Variants in NSUN3 observed in about 807,000 individuals in gnomAD.
The protein encoded by NSUN3 is tRNA (cytosine(34)-C(5))-methyltransferase, mitochondrial.
A neutral mutation model predicts 36.8 loss-of-function variants in NSUN3; 24 were observed. The ratio of observed to expected loss-of-function variants is 0.65; its 90% CI spans 0.47 to 0.92. The LOEUF (loss-of-function observed/expected upper bound fraction) is 0.92. Ranked by LOEUF, NSUN3 falls within the 40% of genes least tolerant of loss-of-function variation. The pLI, the probability that NSUN3 is intolerant of heterozygous loss-of-function variation, is 0.00. For synonymous variants in NSUN3, 146 were observed against 145.2 expected, an observed-to-expected ratio of 1.01 and a Z score of -0.04; for missense variants, 381 against 392.8, an observed-to-expected ratio of 0.97 and a Z score of 0.25.
At chr3:94,107,290 T>G (rs2077393747) in intron 5 of NSUN3, among the ~76,000 whole-genome samples, 1 of 152,032 alleles carries the variant, frequency 6.6e-6, no homozygotes, top group Admixed American at 6.6e-5. Context: ...GTTGTTGTTG[T>G]TTTGTTTTTG....
At chr3:94,088,670 C>CTTTT (rs747748539) in intron 3 of NSUN3, among the ~76,000 whole-genome samples, 1 of 132,456 alleles carries the variant, frequency 7.5e-6, no homozygotes, top group Non-Finnish European at 1.6e-5. Flanking sequence ...GGGACAGATC[C>CTTTT]TTTTTTTTTT....
At chr3:94,075,732 C>G (rs1005451795) in intron 2 of NSUN3, among the ~76,000 whole-genome samples, 3 of 142,796 alleles carry the variant, frequency 2.1e-5, no homozygotes, top group African/African-American at 8.1e-5. Context: ...TGAATCAAGC[C>G]CCCCCCCCCA....
chr3:94,065,721 G>A (rs546949066), intron 2 of NSUN3, among the ~76,000 whole-genome samples: 15 of 152,032 alleles, frequency 9.9e-5, no homozygotes, highest in South Asian at 2.1e-4. Context: ...TATACTCGTG[G>A]GTTTTATTTC....
chr3:94,094,969 C>G, intron 4 of NSUN3, 64 bp from the exon 5 acceptor site: 6 of 1,562,810 alleles, frequency 3.8e-6, no homozygotes, highest in African/African-American at 1.4e-5. Context: ...ACTTCTCTAT[C>G]TACTTCGTGC....
intron 1 of NSUN3, chr3:94,063,780 G>C (rs969090360): frequency 6.6e-6 from 1 of 151,720 alleles, no homozygotes; most frequent in Non-Finnish European, 1.5e-5. Context: ...ACTACGCCTG[G>C]CTAATTTTTT....
intron 2 of NSUN3, chr3:94,077,204 A>G: frequency 4.4e-6 from 3 of 675,922 alleles, no homozygotes; most frequent in Non-Finnish European, 8.2e-6. Flanking sequence ...GGAATACTGG[A>G]GTCGGGTGTT....
intron 3 of NSUN3, among the ~76,000 whole-genome samples, chr3:94,090,343 A>G (rs1437355978): frequency 6.6e-6 from 1 of 152,216 alleles, no homozygotes; most frequent in African/African-American, 2.4e-5. Flanking sequence ...ACCTAAGACC[A>G]TTTCAAATAA....
rs878925525 is a variant in NSUN3 at position 94,063,240 on chromosome 3, T to C, written c.12+102T>C. The C allele has an allele frequency of 1.7e-5, 19 of 1,145,922 alleles. No individual in the cohort carries two copies. In the South Asian group the frequency reaches 2.3e-4, roughly 14 times the overall value. 71.0% of individuals were successfully genotyped at this position (1,145,922 alleles called of 1,614,324 possible). ...TGCTGGGATGGGGGAACATCACCTT[T>C]GTTCGTCCCCTCGCGAGATCAGCGT... On this transcript the variant is annotated intron_variant, in intron 1 of 5. Transcript: ENST00000314622.
intron 2 of NSUN3, among the ~76,000 whole-genome samples, chr3:94,065,372 A>G (rs562475909): frequency 6.6e-6 from 1 of 152,340 alleles, no homozygotes; most frequent in South Asian, 2.1e-4. Flanking sequence ...AGTTACTTTG[A>G]CAAAAAGAAC....
intron 2 of NSUN3, among the ~76,000 whole-genome samples, chr3:94,075,303 A>G (rs1276650407): frequency 6.6e-6 from 1 of 152,186 alleles, no homozygotes; most frequent in East Asian, 1.9e-4. Flanking sequence ...GAAAGAAACA[A>G]CATGAAAACA....
intron 2 of NSUN3, chr3:94,075,765 T>A (rs1576082547): frequency 1.2e-5 from 7 of 607,758 alleles, no homozygotes; most frequent in African/African-American, 9.7e-5. Context: ...AAACACCCAC[T>A]GTTTGGGCTA....
chr3:94,066,105 T>C (rs2077203446), intron 2 of NSUN3, among the ~76,000 whole-genome samples: 1 of 151,460 alleles, frequency 6.6e-6, no homozygotes, highest in Non-Finnish European at 1.5e-5. Context: ...GTAGACTTTG[T>C]AGCAGTCTGG....
At chr3:94,075,952 A>G in intron 2 of NSUN3, 3 of 1,533,276 alleles carry the variant, frequency 2.0e-6, no homozygotes, top group Non-Finnish European at 2.7e-6. Context: ...CAGGGTCTTC[A>G]TCATTATAAA....
At chr3:94,111,010 A>G (rs2077414452) in intron 5 of NSUN3, among the ~76,000 whole-genome samples, 2 of 152,068 alleles carry the variant, frequency 1.3e-5, no homozygotes. Flanking sequence ...ATCATAGTAC[A>G]AACATAGATG....
At chr3:94,097,433 G>A (rs963389139) in intron 5 of NSUN3, among the ~76,000 whole-genome samples, 2 of 149,982 alleles carry the variant, frequency 1.3e-5, no homozygotes, top group African/African-American at 4.9e-5. Context: ...TTTAACTTAC[G>A]TGAAACATTC....
chr3:94,108,691 C>T (rs1199424591), intron 5 of NSUN3, among the ~76,000 whole-genome samples: 1 of 151,320 alleles, frequency 6.6e-6, no homozygotes, highest in Non-Finnish European at 1.5e-5. Context: ...CACAGTCTTG[C>T]TCTGTTGCCC....
intron 5 of NSUN3, among the ~76,000 whole-genome samples, chr3:94,100,967 T>C (rs2077363482): frequency 6.6e-6 from 1 of 151,518 alleles, no homozygotes; most frequent in Non-Finnish European, 1.5e-5. Flanking sequence ...AGTTTTTTTA[T>C]GTTAATTTTT....
At position 94,129,044 on chromosome 3, in the gene NSUN3, T is replaced by C. The variant is rs528917656; in HGVS notation, c.*2554T>C. ...TGGAGAAAAGGAACTGCTTATGAAC[T>C]GTTGGTGGAAATGTAAATTACTTCA... On this transcript the variant is annotated 3_prime_UTR_variant, in exon 6 of 6. Coordinates refer to ENST00000314622, the MANE Select transcript of NSUN3 (RefSeq NM_022072.5). Among the ~76,000 whole-genome samples, 3 of 152,320 alleles carry C rather than the reference T, an allele frequency of 2.0e-5. No homozygotes were observed. Among genetic ancestry groups the C allele is most frequent in the Non-Finnish European group, 4.4e-5 (3 of 68,034 alleles).
At chr3:94,068,006 A>G (rs986191247) in intron 2 of NSUN3, among the ~76,000 whole-genome samples, 2 of 152,054 alleles carry the variant, frequency 1.3e-5, no homozygotes, top group East Asian at 3.9e-4. Context: ...GGGACTGGCT[A>G]TGCTGTTCTT....
Sources: gnomAD v4.1 joint callset for allele counts (sites outside exome capture counted in the v4.1 genomes callset) on GRCh38, gnomAD v4.1.1 for gene constraint, MANE v1.5 for transcripts, NCBI Gene and HGNC (gene_info 2026-07-23, HGNC 2026-07-21) for gene names.